Variants in TSPAN5 observed in about 807,000 individuals in gnomAD.
TSPAN5 encodes the protein tetraspanin 5, also known as tetraspanin-5.
TSPAN5 carries 10 observed loss-of-function variants against 37.1 expected under a neutral mutation model. The observed-to-expected ratio is 0.27, with a 90% confidence interval of 0.17 to 0.46. The LOEUF (loss-of-function observed/expected upper bound fraction) is 0.46. Ranked by LOEUF, TSPAN5 falls within the 20% of genes least tolerant of loss-of-function variation. The pLI is 1.00. For synonymous variants in TSPAN5, 110 were observed against 118.9 expected, an observed-to-expected ratio of 0.93 and a Z score of 0.48; for missense variants, 195 against 326.6, an observed-to-expected ratio of 0.60 and a Z score of 3.11.
chr4:98,631,769 C>T (rs1579043991), intron 1 of TSPAN5, among the ~76,000 whole-genome samples: 2 of 152,208 alleles, frequency 1.3e-5, no homozygotes, highest in East Asian at 3.8e-4. Flanking sequence ...AGCATGTTCT[C>T]CTGGATTCTT....
At chr4:98,528,095 C>T (rs1478023611) in intron 1 of TSPAN5, among the ~76,000 whole-genome samples, 5 of 152,088 alleles carry the variant, frequency 3.3e-5, no homozygotes, top group Admixed American at 6.6e-5. Flanking sequence ...TTCCTCTGTC[C>T]GGCATATGAG....
intron 1 of TSPAN5, among the ~76,000 whole-genome samples, chr4:98,514,740 A>T (rs1316134667): frequency 1.3e-5 from 2 of 152,090 alleles, no homozygotes; most frequent in African/African-American, 4.8e-5. Context: ...GTCTTCATTC[A>T]TTTGGCAAAT....
At chr4:98,502,664 A>G (rs1753380391) in intron 2 of TSPAN5, among the ~76,000 whole-genome samples, 1 of 152,184 alleles carries the variant, frequency 6.6e-6, no homozygotes, top group Admixed American at 6.5e-5. Flanking sequence ...GAAAGATACC[A>G]TCTATCTACA....
intron 1 of TSPAN5, among the ~76,000 whole-genome samples, chr4:98,606,428 A>T (rs1156685654): frequency 6.6e-6 from 1 of 152,232 alleles, no homozygotes; most frequent in Non-Finnish European, 1.5e-5. Context: ...TTACGGAAAC[A>T]TCTTTCCACA....
intron 1 of TSPAN5, among the ~76,000 whole-genome samples, chr4:98,535,404 G>T (rs1754208114): frequency 6.6e-6 from 1 of 152,210 alleles, no homozygotes; most frequent in Non-Finnish European, 1.5e-5. Flanking sequence ...GAGATCCACT[G>T]TTAGTCTGAT....
intron 1 of TSPAN5, among the ~76,000 whole-genome samples, chr4:98,542,669 T>C (rs1754384707): frequency 1.4e-5 from 2 of 146,088 alleles, no homozygotes; most frequent in African/African-American, 2.6e-5. Context: ...CAATTAGCTA[T>C]GATCGTGCCA....
At chr4:98,535,965 A>G (rs1754223155) in intron 1 of TSPAN5, among the ~76,000 whole-genome samples, 2 of 152,012 alleles carry the variant, frequency 1.3e-5, no homozygotes, top group South Asian at 4.1e-4. Context: ...GCTTCCTTGC[A>G]TTGGGTTAGA....
intron 1 of TSPAN5, among the ~76,000 whole-genome samples, chr4:98,614,809 C>T (rs1756282711): frequency 6.6e-6 from 1 of 152,156 alleles, no homozygotes; most frequent in Non-Finnish European, 1.5e-5. Flanking sequence ...GCCAGTTTGT[C>T]TCTGTGACTA....
chr4:98,535,328 ATTCTT>A (rs1427373824), intron 1 of TSPAN5, among the ~76,000 whole-genome samples: 1 of 152,160 alleles, frequency 6.6e-6, no homozygotes, highest in African/African-American at 2.4e-5. Flanking sequence ...TGGGTTGAAA[ATTCTT>A]TTCTTTAAGA....
intron 2 of TSPAN5, among the ~76,000 whole-genome samples, chr4:98,502,801 A>G (rs1158300871): frequency 6.6e-6 from 1 of 152,036 alleles, no homozygotes; most frequent in African/African-American, 2.4e-5. Flanking sequence ...TTCTAGTGAC[A>G]TGTCATTGGG....
At chr4:98,657,192 C>T (rs976981772) in intron 1 of TSPAN5, among the ~76,000 whole-genome samples, 2 of 152,112 alleles carry the variant, frequency 1.3e-5, no homozygotes, top group African/African-American at 4.8e-5. Context: ...TTTGCCAGAT[C>T]AAGGAAAAGA....
intron 2 of TSPAN5, among the ~76,000 whole-genome samples, chr4:98,494,659 A>G (rs1414826919): frequency 6.6e-6 from 1 of 152,074 alleles, no homozygotes; most frequent in Non-Finnish European, 1.5e-5. Flanking sequence ...TATCACTATT[A>G]TATTAATAAT....
At chr4:98,570,786 T>C (rs1281480100) in intron 1 of TSPAN5, among the ~76,000 whole-genome samples, 1 of 152,082 alleles carries the variant, frequency 6.6e-6, no homozygotes, top group Non-Finnish European at 1.5e-5. Flanking sequence ...CTCTCCCATT[T>C]TGCCATCTCT....
chr4:98,509,516 A>G (rs1473071933), intron 1 of TSPAN5, among the ~76,000 whole-genome samples: 1 of 152,196 alleles, frequency 6.6e-6, no homozygotes, highest in Non-Finnish European at 1.5e-5. Flanking sequence ...AAGACAACAC[A>G]CAATACATTC....
At chr4:98,647,649 G>A (rs116486609) in intron 1 of TSPAN5, among the ~76,000 whole-genome samples, 1 of 152,154 alleles carries the variant, frequency 6.6e-6, no homozygotes, top group Admixed American at 6.5e-5. Context: ...CCAATGAAGA[G>A]AGCCAAAATG....
intron 1 of TSPAN5, among the ~76,000 whole-genome samples, chr4:98,544,283 G>A (rs1231748751): frequency 1.3e-5 from 2 of 152,184 alleles, no homozygotes; most frequent in African/African-American, 4.8e-5. Flanking sequence ...GCTCTGGAAT[G>A]TGCCCTCAAT....
intron 1 of TSPAN5, among the ~76,000 whole-genome samples, chr4:98,554,468 T>A (rs1304095056): frequency 6.6e-6 from 1 of 152,220 alleles, no homozygotes; most frequent in African/African-American, 2.4e-5. Flanking sequence ...ATCCATAATC[T>A]AACGCGCTAA....
chr4:98,586,183 T>G (rs1262597185), intron 1 of TSPAN5, among the ~76,000 whole-genome samples: 1 of 152,238 alleles, frequency 6.6e-6, no homozygotes, highest in Admixed American at 6.5e-5. Context: ...GACTGAAGTT[T>G]TAAGAGTCCA....
At chr4:98,609,633 GC>G (rs1347984169) in intron 1 of TSPAN5, among the ~76,000 whole-genome samples, 3 of 152,170 alleles carry the variant, frequency 2.0e-5, no homozygotes, top group Non-Finnish European at 2.9e-5. Flanking sequence ...CTCTGAGCAA[GC>G]TTTCCTTTGC....
Sources: allele counts gnomAD v4.1 joint callset (sites outside exome capture counted in the v4.1 genomes callset), GRCh38; gene constraint gnomAD v4.1.1; transcripts MANE v1.5; gene names NCBI Gene and HGNC (gene_info 2026-07-23, HGNC 2026-07-21).